The following GUCY1A2 variants were observed in gnomAD, a reference collection of about 807,000 sequenced individuals.
GUCY1A2 encodes guanylate cyclase soluble subunit alpha-2.
A neutral mutation model predicts 63.5 loss-of-function variants in GUCY1A2; 27 were observed. The observed-to-expected ratio is 0.43, with a 90% CI of 0.31 to 0.59. The LOEUF (loss-of-function observed/expected upper bound fraction) is 0.59, where lower values mean the gene tolerates loss of function less well. Ranked by LOEUF, GUCY1A2 falls within the 20% of genes least tolerant of loss-of-function variation. The probability of loss-of-function intolerance (pLI) is 0.11; values close to 1 mark genes in which losing one functional copy is unlikely to be tolerated. For synonymous variants in GUCY1A2, 364 were observed against 343.5 expected, an observed-to-expected ratio of 1.06 and a Z score of -0.66; for missense variants, 768 against 913.3, an observed-to-expected ratio of 0.84 and a Z score of 2.05.
At chr11:106,872,689 T>G (rs938495505) in intron 4 of GUCY1A2, among the ~76,000 whole-genome samples, 1 of 152,206 alleles carries the variant, frequency 6.6e-6, no homozygotes, top group Non-Finnish European at 1.5e-5. Flanking sequence ...CTTTGTGAAC[T>G]CTGGATATAA....
At chr11:106,956,876 C>T (rs1860992046) in intron 3 of GUCY1A2, among the ~76,000 whole-genome samples, 1 of 152,142 alleles carries the variant, frequency 6.6e-6, no homozygotes, top group Non-Finnish European at 1.5e-5. Context: ...TCAGAACTAC[C>T]AAGAGGAGAC....
chr11:106,791,933 C>G (rs1208275448), intron 5 of GUCY1A2, among the ~76,000 whole-genome samples: 1 of 152,026 alleles, frequency 6.6e-6, no homozygotes, highest in Non-Finnish European at 1.5e-5. Flanking sequence ...GGGACTCCTC[C>G]CTAACTCATT....
At position 106,756,095 on chromosome 11, in the gene GUCY1A2, T is replaced by A. The variant is rs184365305; in HGVS notation, c.1836+20344A>T. ...CTAGTTGCATTGATCCCTTTACCAT[T>A]ATGTAATGGCCTTCTTTGTCTCTTT... On this transcript the variant is annotated intron_variant, in intron 6 of 7. Coordinates refer to ENST00000526355, the MANE Select transcript of GUCY1A2 (RefSeq NM_000855.3). 2.5e-3 allele frequency among the ~76,000 whole-genome samples: 381 copies of A among 152,340 alleles called. 3 individuals are homozygous for A. Among genetic ancestry groups the A allele is most frequent in the South Asian group, 5.0e-3 (24 of 4,828 alleles).
chr11:106,839,052 A>G (rs1030405837), intron 4 of GUCY1A2, among the ~76,000 whole-genome samples: 27 of 152,110 alleles, frequency 1.8e-4, no homozygotes, highest in African/African-American at 5.1e-4. Context: ...GTCCTTGCCC[A>G]TACCTATGTC....
intron 1 of GUCY1A2, among the ~76,000 whole-genome samples, chr11:106,997,001 T>C (rs2120169799): frequency 6.6e-6 from 1 of 152,292 alleles, no homozygotes; most frequent in South Asian, 2.1e-4. Flanking sequence ...TAATCACTTT[T>C]TCTGGAAAAA....
At chr11:106,746,199 A>G (rs550073839) in intron 6 of GUCY1A2, among the ~76,000 whole-genome samples, 1 of 152,230 alleles carries the variant, frequency 6.6e-6, no homozygotes, top group Admixed American at 6.5e-5. Flanking sequence ...AGGGAAAAAA[A>G]AAAGCTTTGA....
At chr11:106,927,794 G>C (rs1258819179) in intron 4 of GUCY1A2, among the ~76,000 whole-genome samples, 1 of 150,992 alleles carries the variant, frequency 6.6e-6, no homozygotes, top group Non-Finnish European at 1.5e-5. Flanking sequence ...GGATGGTCTT[G>C]ATCTCCTGAC....
At chr11:106,725,088 A>G (rs2135366431) in intron 6 of GUCY1A2, among the ~76,000 whole-genome samples, 1 of 139,826 alleles carries the variant, frequency 7.2e-6, no homozygotes, top group East Asian at 2.4e-4. Context: ...GAAATCCTTT[A>G]TTTTGGTAGA....
intron 1 of GUCY1A2, among the ~76,000 whole-genome samples, chr11:107,014,184 G>A (rs1861788190): frequency 6.8e-6 from 1 of 146,594 alleles, no homozygotes; most frequent in Non-Finnish European, 1.5e-5. Context: ...TGCCTCCCGG[G>A]TTCAAGCAAT....
intron 5 of GUCY1A2, among the ~76,000 whole-genome samples, chr11:106,800,239 C>G (rs1395708173): frequency 1.3e-5 from 2 of 152,162 alleles, no homozygotes; most frequent in Non-Finnish European, 2.9e-5. Flanking sequence ...CAGGAAACAA[C>G]AGGTGCTGGA....
At chr11:106,990,831 C>A (rs887753542) in intron 1 of GUCY1A2, among the ~76,000 whole-genome samples, 1 of 152,194 alleles carries the variant, frequency 6.6e-6, no homozygotes, top group African/African-American at 2.4e-5. Flanking sequence ...AGTCTATATT[C>A]TTATTTGATA....
At chr11:106,769,661 T>TATTTTTCC (rs1352012837) in intron 6 of GUCY1A2, among the ~76,000 whole-genome samples, 2 of 152,158 alleles carry the variant, frequency 1.3e-5, no homozygotes, top group East Asian at 3.8e-4. Flanking sequence ...CATTATACGG[T>TATTTTTCC]ATTTTTCCAT....
At chr11:106,991,485 T>C (rs1420279488) in intron 1 of GUCY1A2, among the ~76,000 whole-genome samples, 1 of 152,202 alleles carries the variant, frequency 6.6e-6, no homozygotes, top group Non-Finnish European at 1.5e-5. Flanking sequence ...TCCAGTTGAA[T>C]TGGTGCGGGG....
chr11:106,878,856 T>C (rs1019699865), intron 4 of GUCY1A2, among the ~76,000 whole-genome samples: 1 of 151,280 alleles, frequency 6.6e-6, no homozygotes, highest in African/African-American at 2.4e-5. Flanking sequence ...CCAGAAGTAA[T>C]GCAGCTCTGC....
chr11:106,935,861 T>A (rs559730616), intron 4 of GUCY1A2, among the ~76,000 whole-genome samples: 4,715 of 148,720 alleles, frequency 0.032, 235 homozygotes, highest in African/African-American at 0.11. Flanking sequence ...AAAAAAAAAA[T>A]TAAAAAAAAA....
At chr11:106,851,384 T>C (rs946474323) in intron 4 of GUCY1A2, among the ~76,000 whole-genome samples, 1 of 151,810 alleles carries the variant, frequency 6.6e-6, no homozygotes, top group Admixed American at 6.6e-5. Flanking sequence ...ATTTCTTTTT[T>C]GTCACCTGTG....
chr11:106,995,646 T>C (rs1861525049), intron 1 of GUCY1A2, among the ~76,000 whole-genome samples: 1 of 152,210 alleles, frequency 6.6e-6, no homozygotes, highest in East Asian at 1.9e-4. Context: ...CTATAAAGTA[T>C]TACACAAATA....
intron 1 of GUCY1A2, among the ~76,000 whole-genome samples, chr11:106,998,912 C>A (rs1591359364): frequency 2.0e-5 from 3 of 152,068 alleles, no homozygotes; most frequent in African/African-American, 7.2e-5. Context: ...TCACTACAGA[C>A]CAAGAACGTT....
intron 4 of GUCY1A2, among the ~76,000 whole-genome samples, chr11:106,814,927 C>G (rs1858811253): frequency 6.6e-6 from 1 of 151,916 alleles, no homozygotes; most frequent in Non-Finnish European, 1.5e-5. Context: ...AAAATCACAA[C>G]TTGAATGAGA....
Sources: allele counts gnomAD v4.1 joint callset (sites outside exome capture counted in the v4.1 genomes callset), GRCh38; gene constraint gnomAD v4.1.1; transcripts MANE v1.5; gene names NCBI Gene and HGNC (gene_info 2026-07-23, HGNC 2026-07-21).